The following NSUN6 variants were observed in gnomAD, a reference collection of about 807,000 sequenced individuals.
NSUN6 encodes tRNA (cytosine(72)-C(5))-methyltransferase NSUN6.
In NSUN6, 64 loss-of-function variants were observed where a neutral mutation model predicts 58.0. The ratio of observed to expected loss-of-function variants is 1.10; its 90% CI spans 0.90 to 1.36. The LOEUF is 1.36. Among genes scored for constraint, NSUN6 ranks in the 40% most tolerant of loss-of-function variants. The pLI is 0.00. For synonymous variants in NSUN6, 231 were observed against 193.9 expected (o/e 1.19, Z -1.59); for missense variants, 701 against 550.1 (o/e 1.27, Z -2.74).
chr10:18,580,407 G>T (rs76586515), intron 8 of NSUN6, among the ~76,000 whole-genome samples: 18,410 of 152,144 alleles, frequency 0.12, 1,398 homozygotes, highest in Middle Eastern at 0.23. Context: ...GGAATGAAAG[G>T]ACTGTGGTCT....
At chr10:18,578,445 G>A (rs972062273) in intron 8 of NSUN6, among the ~76,000 whole-genome samples, 1 of 152,026 alleles carries the variant, frequency 6.6e-6, no homozygotes, top group Non-Finnish European at 1.5e-5. Flanking sequence ...ATGTTGGCCA[G>A]ACTGGTTTCA....
At chr10:18,601,955 A>G (rs2057858736) in intron 6 of NSUN6, among the ~76,000 whole-genome samples, 1 of 150,372 alleles carries the variant, frequency 6.7e-6, no homozygotes, top group South Asian at 2.1e-4. Context: ...CCTGGGTGAC[A>G]GACTAACACT....
intron 3 of NSUN6, among the ~76,000 whole-genome samples, chr10:18,619,058 G>C (rs148740991): frequency 2.1e-3 from 319 of 152,268 alleles, no homozygotes; most frequent in African/African-American, 6.9e-3. Flanking sequence ...AGGTCTATTT[G>C]TTAAAAGTTC....
intron 7 of NSUN6, among the ~76,000 whole-genome samples, chr10:18,593,657 T>C (rs2057463455): frequency 6.6e-6 from 1 of 151,722 alleles, no homozygotes; most frequent in Non-Finnish European, 1.5e-5. Context: ...AGTTGAACAA[T>C]GAGAACACAT....
intron 8 of NSUN6, among the ~76,000 whole-genome samples, chr10:18,567,205 C>T (rs995726896): frequency 1.3e-5 from 2 of 150,192 alleles, no homozygotes; most frequent in Non-Finnish European, 1.5e-5. Flanking sequence ...CTATTCATCA[C>T]TGTATTCCAT....
At chr10:18,613,621 A>G (rs944118470) in intron 5 of NSUN6, among the ~76,000 whole-genome samples, 2 of 152,222 alleles carry the variant, frequency 1.3e-5, no homozygotes, top group African/African-American at 4.8e-5. Flanking sequence ...TAATCTTTAT[A>G]TTCATGAAGC....
intron 8 of NSUN6, among the ~76,000 whole-genome samples, chr10:18,570,270 C>T (rs1401822938): frequency 4.6e-5 from 7 of 150,690 alleles, no homozygotes; most frequent in African/African-American, 1.7e-4. Context: ...GATTCCATTC[C>T]ATTCTCCATT....
chr10:18,554,127 T>C (rs776302304), intron 8 of NSUN6, among the ~76,000 whole-genome samples: 3 of 142,672 alleles, frequency 2.1e-5, no homozygotes, highest in Non-Finnish European at 3.0e-5. Context: ...GGGAATAGAA[T>C]TGAATGGAGA....
At chr10:18,586,795 T>G (rs892200359) in intron 7 of NSUN6, among the ~76,000 whole-genome samples, 5 of 152,186 alleles carry the variant, frequency 3.3e-5, no homozygotes, top group African/African-American at 1.2e-4. Flanking sequence ...CTGGCTCTGG[T>G]GGCCAGCTTT....
chr10:18,639,853 A>C lies in NSUN6; in HGVS notation c.311+2623T>G, dbSNP rs534920689. ...CACTGCTGAAACATTAACTGGTAAA[A>C]CTTTGTAGAGGGTAATCTGGTAATA... On this transcript the variant is annotated intron_variant, in intron 3 of 10. Transcript: ENST00000377304. Among the ~76,000 whole-genome samples, 74 of 152,336 alleles carry C rather than the reference A, an allele frequency of 4.9e-4. 1 individual carries two copies. The South Asian group carries it at 0.014, about 30-fold the overall frequency.
chr10:18,648,995 T>A (rs567467463), intron 1 of NSUN6, among the ~76,000 whole-genome samples: 2 of 152,334 alleles, frequency 1.3e-5, no homozygotes, highest in East Asian at 3.9e-4. Flanking sequence ...CATTACAGCA[T>A]CTCTGTAGAG....
intron 2 of NSUN6, among the ~76,000 whole-genome samples, chr10:18,645,817 T>C (rs2059530135): frequency 6.6e-6 from 1 of 152,206 alleles, no homozygotes; most frequent in African/African-American, 2.4e-5. Context: ...GAGATCATAT[T>C]ATTTACATTT....
intron 3 of NSUN6, among the ~76,000 whole-genome samples, chr10:18,640,572 T>G (rs1196919806): frequency 1.3e-5 from 2 of 152,074 alleles, no homozygotes; most frequent in Admixed American, 6.6e-5. Context: ...GGTCCAAAAC[T>G]AAGAGATGAT....
chr10:18,629,258 T>G lies in NSUN6; in HGVS notation c.312-12965A>C, dbSNP rs532017608. 7.6e-3 allele frequency among the ~76,000 whole-genome samples: 1,152 copies of G among 152,192 alleles called. 7 individuals carry two copies. Among genetic ancestry groups the G allele is most frequent in the Non-Finnish European group, 0.011 (765 of 68,014 alleles). ...CTAAAAGAGCTCCTGAAGGAAGCAC[T>G]AAACATGGAAAGGAACAACTGCTAC... On this transcript the variant is annotated intron_variant, in intron 3 of 10. Coordinates refer to ENST00000377304, the MANE Select transcript of NSUN6 (RefSeq NM_182543.5).
chr10:18,582,426 T>C (rs2056945869), intron 8 of NSUN6, among the ~76,000 whole-genome samples: 1 of 152,128 alleles, frequency 6.6e-6, no homozygotes, highest in Non-Finnish European at 1.5e-5. Flanking sequence ...GAGATTGTGG[T>C]GGTGAGCAAT....
At chr10:18,592,341 G>A (rs2057408685) in intron 7 of NSUN6, among the ~76,000 whole-genome samples, 1 of 152,116 alleles carries the variant, frequency 6.6e-6, no homozygotes, top group South Asian at 2.1e-4. Context: ...AGCCACGATT[G>A]TCTTTCTTAG....
At chr10:18,575,924 A>G (rs1238573377) in intron 8 of NSUN6, among the ~76,000 whole-genome samples, 1 of 152,080 alleles carries the variant, frequency 6.6e-6, no homozygotes, top group Non-Finnish European at 1.5e-5. Context: ...CGGGTGCATC[A>G]AGATCAGCCT....
At chr10:18,581,928 A>G (rs1362284277) in intron 8 of NSUN6, among the ~76,000 whole-genome samples, 1 of 151,960 alleles carries the variant, frequency 6.6e-6, no homozygotes, top group African/African-American at 2.4e-5. Context: ...ACTTTACTCT[A>G]TGAACTCATC....
intron 3 of NSUN6, among the ~76,000 whole-genome samples, chr10:18,635,771 G>A (rs970793561): frequency 1.3e-5 from 2 of 151,714 alleles, no homozygotes; most frequent in Non-Finnish European, 2.9e-5. Context: ...CCGGGAGGCA[G>A]GGGTTGCAGT....
Sources: allele counts gnomAD v4.1 joint callset (sites outside exome capture counted in the v4.1 genomes callset), GRCh38; gene constraint gnomAD v4.1.1; transcripts MANE v1.5; gene names NCBI Gene and HGNC (gene_info 2026-07-23, HGNC 2026-07-21).